The following ITCH variants were observed in gnomAD, a reference collection of about 807,000 sequenced individuals.
ITCH encodes E3 ubiquitin-protein ligase Itchy homolog.
ITCH carries 28 observed loss-of-function variants against 126.8 expected under a neutral mutation model. The observed-to-expected ratio is 0.22, with a 90% CI of 0.16 to 0.30. ITCH has a LOEUF of 0.30. Ranked by LOEUF, ITCH falls within the 10% of genes least tolerant of loss-of-function variation. The probability of loss-of-function intolerance (pLI) is 1.00; values close to 1 mark genes in which losing one functional copy is unlikely to be tolerated. For missense variants in ITCH, 631 were observed against 1,032.4 expected (o/e 0.61, Z 5.33); for synonymous variants, 342 against 340.0 (o/e 1.01, Z -0.06).
At chr20:34,375,868 G>A (rs2037825021) in intron 2 of ITCH, among the ~76,000 whole-genome samples, 1 of 151,228 alleles carries the variant, frequency 6.6e-6, no homozygotes. Context: ...AAATTAAAAA[G>A]GAAAGTTTTC....
chr20:34,494,056 C>A (rs1989695639), intron 23 of ITCH, among the ~76,000 whole-genome samples: 1 of 152,146 alleles, frequency 6.6e-6, no homozygotes. Flanking sequence ...TGGTGAGACC[C>A]CGTCTCTACT....
At chr20:34,495,399 T>C (rs1240752628) in intron 23 of ITCH, among the ~76,000 whole-genome samples, 1 of 151,766 alleles carries the variant, frequency 6.6e-6, no homozygotes, top group African/African-American at 2.4e-5. Flanking sequence ...TTATTCTTCC[T>C]GCCGATCTGT....
rs142158712 is a variant in ITCH at position 34,472,219 on chromosome 20, T to C, written c.1569+704T>C. ...GGTGAAACCTTGTCTCTATTAAAAA[T>C]ATAAAAATTAGCTGGGCCTGGTGGC... On this transcript the variant is annotated intron_variant, in intron 16 of 24. Transcript: ENST00000374864. 2.0e-5 allele frequency among the ~76,000 whole-genome samples: 3 copies of C among 151,778 alleles called. No homozygotes were observed. In the East Asian group the frequency reaches 5.8e-4, roughly 29 times the overall value.
Position 34,457,434 on chromosome 20 carries a change from A to T in ITCH, c.1255A>T (p.Asn419Tyr). 6.2e-7 allele frequency: 1 copy of T among 1,613,830 alleles called. No individual in the cohort carries two copies. The highest frequency in any genetic ancestry group is 8.5e-7 in the Non-Finnish European group (1 of 1,179,760). The change falls in exon 13 of 25, where the codon AAC becomes TAC. Residue 419 changes from asparagine (N) to tyrosine (Y), a missense_variant. This residue lies in a region of ITCH where 390 missense variants were observed against 731.6 expected (regional missense o/e 0.53). Coordinates refer to ENST00000374864, the MANE Select transcript of ITCH (RefSeq NM_031483.7). ...TGGCAGAGTATATTTCGTCAACCAC[A>T]ACACACGAATTACACAATGGGAAGA... ...SNGRVYFVNH[N>Y]TRITQWEDPR...
chr20:34,430,272 T>G (rs997485653), intron 7 of ITCH, among the ~76,000 whole-genome samples: 1 of 152,164 alleles, frequency 6.6e-6, no homozygotes, highest in South Asian at 2.1e-4. Flanking sequence ...GGAACAGCCT[T>G]ACCTTCAGAG....
At chr20:34,449,363 T>A in intron 11 of ITCH, 48 bp from the exon 12 acceptor site, 1 of 1,119,498 alleles carries the variant, frequency 8.9e-7, no homozygotes, top group South Asian at 1.3e-5. Context: ...TGCTGTCAGA[T>A]AAGTTGTTAA....
intron 5 of ITCH, among the ~76,000 whole-genome samples, chr20:34,412,925 G>C (rs1259291513): frequency 1.3e-5 from 2 of 151,568 alleles, no homozygotes; most frequent in Non-Finnish European, 2.9e-5. Context: ...ATATAGAGCA[G>C]AGATGAAAGA....
At chr20:34,391,793 G>A (rs2038498938) in intron 2 of ITCH, among the ~76,000 whole-genome samples, 1 of 152,012 alleles carries the variant, frequency 6.6e-6, no homozygotes, top group Admixed American at 6.6e-5. Flanking sequence ...AAAAATGTTT[G>A]CAGTCTGTGC....
chr20:34,479,529 A>T, intron 17 of ITCH, 101 bp from the exon 18 acceptor site: 1 of 882,622 alleles, frequency 1.1e-6, no homozygotes, highest in Non-Finnish European at 1.8e-6. Context: ...GAAAACTATC[A>T]CTAGCTGAGG....
intron 4 of ITCH, among the ~76,000 whole-genome samples, chr20:34,410,231 G>A (rs1190301150): frequency 6.6e-6 from 1 of 151,948 alleles, no homozygotes; most frequent in Admixed American, 6.6e-5. Context: ...AGCTGGGTGT[G>A]GTGGTGGGTG....
chr20:34,389,910 C>T (rs887772273), intron 2 of ITCH, among the ~76,000 whole-genome samples: 3 of 152,090 alleles, frequency 2.0e-5, no homozygotes, highest in African/African-American at 7.2e-5. Flanking sequence ...CATTTGAGGT[C>T]AGGAGTTTGA....
chr20:34,448,155 C>A (rs921097359), intron 11 of ITCH, among the ~76,000 whole-genome samples: 6 of 152,038 alleles, frequency 3.9e-5, no homozygotes, highest in African/African-American at 1.4e-4. Context: ...TTTGGGAGGC[C>A]GAGGCGGGTG....
At position 34,376,390 on chromosome 20, in the gene ITCH, T is replaced by C. The variant is rs371296082; in HGVS notation, c.-22+6920T>C. Reference sequence around the variant, plus strand: ...GTGAGCTCATGTCGCTGCACTGATATCATGTCACTGATATGTCACTGCACT... The same window carrying C: ...GTGAGCTCATGTCGCTGCACTGATACCATGTCACTGATATGTCACTGCACT... On this transcript the variant is annotated intron_variant, in intron 2 of 24. Coordinates refer to ENST00000374864, the MANE Select transcript of ITCH (RefSeq NM_031483.7). 1.3e-3 allele frequency among the ~76,000 whole-genome samples: 197 copies of C among 151,866 alleles called. 1 individual carries two copies. The highest frequency in any genetic ancestry group is 4.7e-3 in the African/African-American group (193 of 41,424).
intron 13 of ITCH, among the ~76,000 whole-genome samples, chr20:34,461,166 T>C (rs1390438304): frequency 1.3e-5 from 2 of 152,064 alleles, no homozygotes; most frequent in Admixed American, 6.6e-5. Context: ...AATCATGGGA[T>C]TCATGAAAGG....
intron 2 of ITCH, among the ~76,000 whole-genome samples, chr20:34,377,338 C>T (rs562354380): frequency 2.0e-5 from 3 of 152,276 alleles, no homozygotes; most frequent in African/African-American, 7.2e-5. Context: ...TGAACTGCTG[C>T]ACTCCAGCCT....
At chr20:34,444,795 C>G (rs1487339245) in intron 10 of ITCH, among the ~76,000 whole-genome samples, 1 of 152,118 alleles carries the variant, frequency 6.6e-6, no homozygotes, top group Middle Eastern at 3.2e-3. Context: ...TCTGCGCCAC[C>G]ACACCTGGCT....
intron 11 of ITCH, among the ~76,000 whole-genome samples, chr20:34,448,748 A>G (rs999010285): frequency 2.0e-5 from 3 of 152,208 alleles, no homozygotes; most frequent in Non-Finnish European, 2.9e-5. Context: ...TAATATCTCT[A>G]CACAGAGTCG....
intron 14 of ITCH, 43 bp from the exon 15 acceptor site, chr20:34,470,005 A>C: frequency 6.7e-7 from 1 of 1,496,580 alleles, no homozygotes; most frequent in South Asian, 1.1e-5. Context: ...ATTATCTTTT[A>C]CAAGCAGCTA....
chr20:34,369,430 G>A lies in ITCH; in HGVS notation c.-62G>A, dbSNP rs898889558. The A allele has an allele frequency of 1.8e-5, 7 of 399,020 alleles. No individual in the cohort carries two copies. Among genetic ancestry groups the A allele is most frequent in the East Asian group, 1.4e-4 (4 of 28,082 alleles). 24.7% of individuals were successfully genotyped at this position (399,020 alleles called of 1,614,324 possible). On this transcript the variant is annotated 5_prime_UTR_variant, in exon 2 of 25. Coordinates refer to ENST00000374864, the MANE Select transcript of ITCH (RefSeq NM_031483.7). The stretch of plus-strand genomic sequence containing the variant: ...TTCACGGTGGCCTTGTGGAGACAAC[G>A]CCTTAACCCAAGGAAGTGACTCAAA...
Sources: allele counts gnomAD v4.1 joint callset (sites outside exome capture counted in the v4.1 genomes callset), GRCh38; gene constraint gnomAD v4.1.1; regional missense constraint gnomAD v4.1.1; transcripts MANE v1.5; gene names NCBI Gene and HGNC (gene_info 2026-07-23, HGNC 2026-07-21).